Variants in LINGO1 observed in about 807,000 individuals in gnomAD.
LINGO1 encodes leucine rich repeat and Ig domain containing 1.
In LINGO1, 11 loss-of-function variants were observed where a neutral mutation model predicts 37.3. The ratio of observed to expected loss-of-function variants is 0.29; its 90% CI spans 0.19 to 0.49. The LOEUF (loss-of-function observed/expected upper bound fraction) is 0.49, where lower values mean the gene tolerates loss of function less well. Among genes scored for constraint, LINGO1 ranks in the 20% least tolerant of loss-of-function variants. The pLI is 0.99. For synonymous variants in LINGO1, 387 were observed against 403.0 expected (o/e 0.96, Z 0.48); for missense variants, 585 against 878.2 (o/e 0.67, Z 4.22).
At chr15:77,785,458 G>C (rs779333145) in intron 1 of LINGO1, among the ~76,000 whole-genome samples, 2 of 152,110 alleles carry the variant, frequency 1.3e-5, no homozygotes, top group Non-Finnish European at 2.9e-5. Context: ...GCTAAATCCT[G>C]CCCCTCCCTG....
intron 1 of LINGO1, among the ~76,000 whole-genome samples, chr15:77,797,628 G>A (rs554493617): frequency 6.6e-6 from 1 of 152,348 alleles, no homozygotes; most frequent in African/African-American, 2.4e-5. Context: ...AGCAGCCCTT[G>A]AGAGGGCAAG....
rs528172803 is a variant in LINGO1, at chr15:77,624,450, G to A, written c.6+7860C>T. ...ACGCACTCGGCCACCCTGCACTGAA[G>A]GGAGGAATGCCCCTGCCCACCTCAC... On this transcript the variant is annotated intron_variant, in intron 1 of 1. Transcript: ENST00000355300. 5.9e-5 allele frequency among the ~76,000 whole-genome samples: 9 copies of A among 152,298 alleles called. No homozygotes were observed. In the East Asian group the frequency reaches 1.7e-3, roughly 29 times the overall value.
chr15:77,639,595 T>C (rs1177791274), intron 3 of LINGO1, among the ~76,000 whole-genome samples: 1 of 152,048 alleles, frequency 6.6e-6, no homozygotes, highest in Non-Finnish European at 1.5e-5. Flanking sequence ...GGAAAAGGAA[T>C]GTACAGAACA....
intron 3 of LINGO1, among the ~76,000 whole-genome samples, chr15:77,662,908 C>G (rs1379666975): frequency 1.3e-5 from 2 of 152,174 alleles, no homozygotes; most frequent in Non-Finnish European, 2.9e-5. Flanking sequence ...GGGAAAAAGA[C>G]AGGCACTGCA....
upstream of LINGO1, among the ~76,000 whole-genome samples, chr15:77,636,161 G>A (rs1025596159): frequency 2.6e-5 from 4 of 152,206 alleles, no homozygotes; most frequent in African/African-American, 7.2e-5. Context: ...TTGAAGCTCT[G>A]TGTGTATCTA....
upstream of LINGO1, among the ~76,000 whole-genome samples, chr15:77,790,164 A>G (rs1448336687): frequency 6.6e-6 from 1 of 152,172 alleles, no homozygotes; most frequent in Non-Finnish European, 1.5e-5. Context: ...ACTTAGCTAT[A>G]GCAGCCTAGC....
chr15:77,732,240 G>A (rs533341113), intron 2 of LINGO1, among the ~76,000 whole-genome samples: 11 of 152,298 alleles, frequency 7.2e-5, no homozygotes, highest in African/African-American at 2.6e-4. Context: ...AAATGCCCAG[G>A]ACCAGAGGGC....
chr15:77,639,583 T>C (rs1391059968), intron 3 of LINGO1, among the ~76,000 whole-genome samples: 1 of 151,976 alleles, frequency 6.6e-6, no homozygotes, highest in African/African-American at 2.4e-5. Flanking sequence ...TGCCCATCAT[T>C]GGGAAAAGGA....
chr15:77,614,017 C>T lies in LINGO1; in HGVS notation c.*27G>A, dbSNP rs769332421. The T allele has an allele frequency of 1.6e-5, 24 of 1,539,372 alleles. No individual in the cohort carries two copies. In the Middle Eastern group the frequency reaches 9.3e-4, roughly 60 times the overall value. The stretch of plus-strand genomic sequence containing the variant: ...AGGCCCCTTCCCCTGCCCGGCCGCC[C>T]GGGGGTCCCTGCCCCCCGCCCCGGC... On this transcript the variant is annotated 3_prime_UTR_variant, in exon 2 of 2. Transcript: ENST00000355300.
At position 77,615,189 on chromosome 15, in the gene LINGO1, G is replaced by T. The variant is rs1202522654; in HGVS notation, c.718C>A (p.Arg240=). The T allele has an allele frequency of 6.2e-7, 1 of 1,613,746 alleles. No individual in the cohort carries two copies. The highest frequency in any genetic ancestry group is 1.3e-5 in the African/African-American group (1 of 75,018). The change falls in exon 2 of 2, where the codon CGA becomes AGA. Residue 240 remains arginine (R), a synonymous_variant. Coordinates refer to ENST00000355300, the MANE Select transcript of LINGO1 (RefSeq NM_032808.7). ...TGGGAGATCTCCAAGACCTTGAGTC[G>T]GTACAGCCTCTTGAAGGAGTAGTCC... ...IRDYSFKRLY[R]LKVLEISHWP...
chr15:77,719,143 C>T (rs1450542592), intron 2 of LINGO1, among the ~76,000 whole-genome samples: 1 of 149,890 alleles, frequency 6.7e-6, no homozygotes, highest in Non-Finnish European at 1.5e-5. Flanking sequence ...TCAACTCTCC[C>T]TCCCAGGGGC....
chr15:77,719,754 TCA>T (rs1313047163), intron 2 of LINGO1, among the ~76,000 whole-genome samples: 27 of 144,628 alleles, frequency 1.9e-4, no homozygotes, highest in African/African-American at 6.6e-4. Flanking sequence ...ATTCACACAC[TCA>T]CATTCACACA....
At chr15:77,729,839 G>A (rs937561106) in intron 2 of LINGO1, among the ~76,000 whole-genome samples, 9 of 152,218 alleles carry the variant, frequency 5.9e-5, no homozygotes, top group Admixed American at 2.0e-4. Context: ...CTCTGTATCC[G>A]TGTTCTAATG....
At chr15:77,730,800 T>C (rs2076147360) in intron 2 of LINGO1, among the ~76,000 whole-genome samples, 1 of 152,178 alleles carries the variant, frequency 6.6e-6, no homozygotes, top group South Asian at 2.1e-4. Flanking sequence ...CAGGTTAGAC[T>C]GAGGGGAGGT....
intron 3 of LINGO1, chr15:77,646,417 G>T (rs972322265): frequency 4.4e-6 from 2 of 455,024 alleles, no homozygotes; most frequent in Non-Finnish European, 8.8e-6. Context: ...GATCAAGACG[G>T]CTAGGGGGCA....
At chr15:77,720,353 G>A (rs572266305) in intron 2 of LINGO1, among the ~76,000 whole-genome samples, 73 of 152,340 alleles carry the variant, frequency 4.8e-4, no homozygotes, top group Admixed American at 1.0e-3. Flanking sequence ...CCCGCCGCCC[G>A]CCAGGTCCAC....
At chr15:77,681,828 TGC>T (rs2075419087) in intron 2 of LINGO1, among the ~76,000 whole-genome samples, 1 of 151,988 alleles carries the variant, frequency 6.6e-6, no homozygotes, top group African/African-American at 2.4e-5. Flanking sequence ...TGAGCACCAT[TGC>T]CACTGTGGTT....
At chr15:77,811,009 C>T (rs558440868) in intron 1 of LINGO1, among the ~76,000 whole-genome samples, 10 of 152,196 alleles carry the variant, frequency 6.6e-5, no homozygotes, top group African/African-American at 1.9e-4. Context: ...CGATCTGTTC[C>T]GAGGTTACAG....
At chr15:77,776,482 C>CAGGAAGGG (rs2076645803) in intron 1 of LINGO1, among the ~76,000 whole-genome samples, 2 of 123,702 alleles carry the variant, frequency 1.6e-5, no homozygotes, top group African/African-American at 6.8e-5. Context: ...GGCAGGAAGG[C>CAGGAAGGG]AGGAAAGCAG....
Sources: allele counts gnomAD v4.1 joint callset (sites outside exome capture counted in the v4.1 genomes callset), GRCh38; gene constraint gnomAD v4.1.1; transcripts MANE v1.5; gene names NCBI Gene and HGNC (gene_info 2026-07-23, HGNC 2026-07-21).